Variants in ST6GALNAC3 observed in about 807,000 individuals in gnomAD.
The protein encoded by ST6GALNAC3 is alpha-N-acetylgalactosaminide alpha-2,6-sialyltransferase 3.
In ST6GALNAC3, 25 loss-of-function variants were observed where a neutral mutation model predicts 32.7. That is an observed-to-expected ratio of 0.76 (90% CI 0.56 to 1.07). ST6GALNAC3 has a LOEUF of 1.07. ST6GALNAC3 is among the 50% of genes least tolerant of loss of function. The pLI, the probability that ST6GALNAC3 is intolerant of heterozygous loss-of-function variation, is 0.00. For synonymous variants in ST6GALNAC3, 129 were observed against 133.1 expected (o/e 0.97, Z 0.21); for missense variants, 355 against 382.4 (o/e 0.93, Z 0.60).
At chr1:76,484,381 G>A (rs1314612046) in intron 3 of ST6GALNAC3, among the ~76,000 whole-genome samples, 1 of 152,002 alleles carries the variant, frequency 6.6e-6, no homozygotes, top group African/African-American at 2.4e-5. Flanking sequence ...ATTTGTTTGT[G>A]TCCTCTTTTA....
chr1:76,076,382 C>A (rs531210403), intron 1 of ST6GALNAC3, among the ~76,000 whole-genome samples: 379 of 152,320 alleles, frequency 2.5e-3, no homozygotes, highest in Non-Finnish European at 4.6e-3. Flanking sequence ...TGCTTTCAGA[C>A]ATTTGGGACA....
At chr1:76,613,823 T>C (rs978793097) in intron 3 of ST6GALNAC3, among the ~76,000 whole-genome samples, 1 of 152,238 alleles carries the variant, frequency 6.6e-6, no homozygotes, top group Non-Finnish European at 1.5e-5. Context: ...CATGGAACCA[T>C]GAGCCAACTA....
intron 3 of ST6GALNAC3, among the ~76,000 whole-genome samples, chr1:76,466,757 T>C (rs1384687113): frequency 1.3e-5 from 2 of 152,056 alleles, no homozygotes; most frequent in African/African-American, 2.4e-5. Flanking sequence ...TAAAAGTCTG[T>C]AATGGGTTAT....
At chr1:76,145,814 G>A (rs1442591968) in intron 1 of ST6GALNAC3, among the ~76,000 whole-genome samples, 1 of 152,108 alleles carries the variant, frequency 6.6e-6, no homozygotes, top group African/African-American at 2.4e-5. Flanking sequence ...CTTTTTCAAT[G>A]GATTTTCCTG....
At chr1:76,342,462 G>C (rs1391799391) in intron 2 of ST6GALNAC3, among the ~76,000 whole-genome samples, 1 of 152,062 alleles carries the variant, frequency 6.6e-6, no homozygotes, top group East Asian at 1.9e-4. Flanking sequence ...AATGACCAGT[G>C]ATCATGAGCT....
intron 3 of ST6GALNAC3, among the ~76,000 whole-genome samples, chr1:76,606,544 C>T (rs1647559009): frequency 1.3e-5 from 2 of 152,108 alleles, no homozygotes; most frequent in South Asian, 4.2e-4. Context: ...AGGGAAACAA[C>T]CCATACTGGG....
At chr1:76,574,390 G>C (rs1001518703) in intron 3 of ST6GALNAC3, among the ~76,000 whole-genome samples, 7 of 152,032 alleles carry the variant, frequency 4.6e-5, no homozygotes, top group Non-Finnish European at 2.9e-5. Flanking sequence ...TAGAATCTCA[G>C]AGATGAATTT....
rs150607781 is a variant in ST6GALNAC3, at chr1:76,210,634, G to A, written c.19-103171G>A. ...CTGGAAATCTCCAATCAAGGTGTTC[G>A]CATGTTTGCTTTCTCCTGAGGCCTC... On this transcript the variant is annotated intron_variant, in intron 1 of 4. Transcript: ENST00000328299. 7.0e-3 allele frequency among the ~76,000 whole-genome samples: 1,072 copies of A among 152,262 alleles called. 15 individuals are homozygous for A. Among genetic ancestry groups the A allele is most frequent in the African/African-American group, 0.024 (1,018 of 41,556 alleles).
At chr1:76,121,778 T>G (rs1648894404) in intron 1 of ST6GALNAC3, among the ~76,000 whole-genome samples, 5 of 151,762 alleles carry the variant, frequency 3.3e-5, no homozygotes, top group Admixed American at 2.6e-4. Context: ...CTCCAGGAGG[T>G]TTATATCATA....
At chr1:76,178,608 C>G (rs1352304160) in intron 1 of ST6GALNAC3, among the ~76,000 whole-genome samples, 1 of 152,140 alleles carries the variant, frequency 6.6e-6, no homozygotes, top group African/African-American at 2.4e-5. Context: ...GGTATGAAAA[C>G]TACTGATCAA....
chr1:76,289,725 C>T (rs374590155), intron 1 of ST6GALNAC3, among the ~76,000 whole-genome samples: 4 of 152,300 alleles, frequency 2.6e-5, no homozygotes, highest in South Asian at 2.1e-4. Flanking sequence ...CTTGGAGGCC[C>T]GTAACCAATA....
chr1:76,105,165 C>T (rs1367842450), intron 1 of ST6GALNAC3, among the ~76,000 whole-genome samples: 1 of 152,208 alleles, frequency 6.6e-6, no homozygotes, highest in Admixed American at 6.5e-5. Flanking sequence ...AGGGAATAGT[C>T]CAAATATTCC....
chr1:76,244,331 C>T (rs759768735), intron 1 of ST6GALNAC3, among the ~76,000 whole-genome samples: 4 of 152,120 alleles, frequency 2.6e-5, no homozygotes, highest in African/African-American at 4.8e-5. Context: ...TGCTTATCAG[C>T]GTAAGGAGTT....
intron 1 of ST6GALNAC3, among the ~76,000 whole-genome samples, chr1:76,121,035 C>T (rs1648839805): frequency 6.6e-6 from 1 of 152,196 alleles, no homozygotes; most frequent in Non-Finnish European, 1.5e-5. Context: ...GACTCTGGCC[C>T]TCCTTTCTGA....
chr1:76,344,506 A>G (rs1054383836), intron 2 of ST6GALNAC3, among the ~76,000 whole-genome samples: 2 of 152,160 alleles, frequency 1.3e-5, no homozygotes, highest in Non-Finnish European at 2.9e-5. Context: ...CTCCACCACT[A>G]GAATGTAAAC....
chr1:76,224,637 CAA>C (rs549565946), intron 1 of ST6GALNAC3, among the ~76,000 whole-genome samples: 27 of 152,220 alleles, frequency 1.8e-4, no homozygotes, highest in African/African-American at 6.3e-4. Context: ...TTTTATGAAA[CAA>C]AAGATTTCTG....
chr1:76,386,951 A>G (rs1205144693), intron 2 of ST6GALNAC3, among the ~76,000 whole-genome samples: 1 of 152,130 alleles, frequency 6.6e-6, no homozygotes, highest in East Asian at 1.9e-4. Flanking sequence ...TCACTTACCC[A>G]TACTGGGACT....
At chr1:76,404,173 A>G (rs887910542) in intron 2 of ST6GALNAC3, among the ~76,000 whole-genome samples, 1 of 152,124 alleles carries the variant, frequency 6.6e-6, no homozygotes, top group African/African-American at 2.4e-5. Context: ...GGTAAATGCC[A>G]CATCCCAAAT....
intron 3 of ST6GALNAC3, among the ~76,000 whole-genome samples, chr1:76,606,984 A>T (rs1647599131): frequency 6.6e-6 from 1 of 151,944 alleles, no homozygotes. Context: ...TCAGTCCCAT[A>T]AGACTGCCCT....
Sources: allele counts gnomAD v4.1 joint callset (sites outside exome capture counted in the v4.1 genomes callset), GRCh38; gene constraint gnomAD v4.1.1; transcripts MANE v1.5; gene names NCBI Gene and HGNC (gene_info 2026-07-23, HGNC 2026-07-21).